The following AGBL4 variants were observed in gnomAD, a reference collection of about 807,000 sequenced individuals.
AGBL4 encodes the protein AGBL carboxypeptidase 4, also known as cytosolic carboxypeptidase 6.
A neutral mutation model predicts 66.4 loss-of-function variants in AGBL4; 58 were observed. The ratio of observed to expected loss-of-function variants is 0.87; its 90% CI spans 0.71 to 1.09. The LOEUF (loss-of-function observed/expected upper bound fraction) is 1.09, where lower values mean the gene tolerates loss of function less well. Ranked by LOEUF, AGBL4 falls within the 50% of genes least tolerant of loss-of-function variation. The pLI, the probability that AGBL4 is intolerant of heterozygous loss-of-function variation, is 0.00. For synonymous variants in AGBL4, 234 were observed against 222.9 expected (o/e 1.05, Z -0.44); for missense variants, 579 against 631.0 (o/e 0.92, Z 0.88).
chr1:48,607,435 T>G (rs1365129576), intron 9 of AGBL4, among the ~76,000 whole-genome samples: 1 of 152,060 alleles, frequency 6.6e-6, no homozygotes, highest in African/African-American at 2.4e-5. Flanking sequence ...CTGCCCATCA[T>G]GATGAAATCC....
chr1:48,821,651 A>T (rs1558018434), intron 6 of AGBL4, among the ~76,000 whole-genome samples: 1 of 151,994 alleles, frequency 6.6e-6, no homozygotes, highest in East Asian at 1.9e-4. Context: ...GACAACATTA[A>T]CTCTATGGTT....
At chr1:48,523,621 G>C in the AGBL4 span, among the ~76,000 whole-genome samples, 1 of 152,212 alleles carries the variant, frequency 6.6e-6, no homozygotes, top group Non-Finnish European at 1.5e-5. Flanking sequence ...ATTAAGGCAT[G>C]TATGGCAAAC....
At chr1:49,448,563 C>T (rs529226284) in intron 3 of AGBL4, among the ~76,000 whole-genome samples, 76 of 152,166 alleles carry the variant, frequency 5.0e-4, no homozygotes, top group African/African-American at 1.7e-3. Flanking sequence ...AGGCCAAGGT[C>T]AAATGGAAAT....
chr1:50,010,277 A>G (rs536931134), intron 1 of AGBL4, among the ~76,000 whole-genome samples: 1 of 151,082 alleles, frequency 6.6e-6, no homozygotes, highest in South Asian at 2.1e-4. Context: ...ACTGCACTCC[A>G]GCCTGGGCAA....
At chr1:48,969,029 G>A (rs1189921722) in intron 5 of AGBL4, among the ~76,000 whole-genome samples, 1 of 151,994 alleles carries the variant, frequency 6.6e-6, no homozygotes, top group Non-Finnish European at 1.5e-5. Flanking sequence ...ATAGAATCTT[G>A]AAGCATAAAA....
At chr1:48,965,349 G>A (rs1432967077) in intron 5 of AGBL4, among the ~76,000 whole-genome samples, 2 of 152,162 alleles carry the variant, frequency 1.3e-5, no homozygotes, top group African/African-American at 4.8e-5. Context: ...ATAGAGGGAT[G>A]AGGATAAGCT....
At chr1:49,568,100 C>G (rs974217276) in intron 3 of AGBL4, among the ~76,000 whole-genome samples, 1 of 152,072 alleles carries the variant, frequency 6.6e-6, no homozygotes, top group Non-Finnish European at 1.5e-5. Context: ...TATTGGAATA[C>G]CTCTCATTCC....
intron 5 of AGBL4, among the ~76,000 whole-genome samples, chr1:48,973,274 C>A (rs1397823055): frequency 6.6e-6 from 1 of 152,044 alleles, no homozygotes; most frequent in African/African-American, 2.4e-5. Context: ...ATAAAGTTAT[C>A]TTTATAATAT....
At chr1:49,301,536 A>G (rs1644744726) in intron 3 of AGBL4, among the ~76,000 whole-genome samples, 1 of 152,216 alleles carries the variant, frequency 6.6e-6, no homozygotes, top group Admixed American at 6.5e-5. Context: ...TGTAAAACTA[A>G]TGAAAGGACA....
At position 48,906,300 on chromosome 1, in the gene AGBL4, T is replaced by G. The variant is rs193071753; in HGVS notation, c.595-39070A>C. On this transcript the variant is annotated intron_variant, in intron 5 of 13. Coordinates refer to ENST00000371839, the MANE Select transcript of AGBL4 (RefSeq NM_032785.4). ...AAATAAAACTCCTCTTGGAGAGAGA[T>G]AAATCATGTACTGATTTTGACTGTG... is the stretch of plus-strand genomic sequence containing the variant. 4.3e-3 allele frequency among the ~76,000 whole-genome samples: 655 copies of G among 152,326 alleles called. 5 individuals carry two copies. Among genetic ancestry groups the G allele is most frequent in the African/African-American group, 0.014 (587 of 41,582 alleles).
intron 5 of AGBL4, among the ~76,000 whole-genome samples, chr1:48,909,538 C>T (rs1336810227): frequency 6.6e-6 from 1 of 152,178 alleles, no homozygotes; most frequent in Non-Finnish European, 1.5e-5. Flanking sequence ...TTCAGACACA[C>T]CATTGTTGAA....
chr1:49,967,095 A>G (rs1571976839), intron 1 of AGBL4, among the ~76,000 whole-genome samples: 1 of 152,160 alleles, frequency 6.6e-6, no homozygotes, highest in African/African-American at 2.4e-5. Flanking sequence ...GTCTTCCACA[A>G]TGGTTGAACT....
intron 2 of AGBL4, among the ~76,000 whole-genome samples, chr1:49,820,317 G>A (rs1160084418): frequency 6.6e-6 from 1 of 152,024 alleles, no homozygotes; most frequent in Non-Finnish European, 1.5e-5. Context: ...GTGTATAAAC[G>A]AGGACCCACA....
At chr1:49,586,998 C>A (rs1452781918) in intron 3 of AGBL4, among the ~76,000 whole-genome samples, 2 of 152,076 alleles carry the variant, frequency 1.3e-5, no homozygotes, top group African/African-American at 4.8e-5. Flanking sequence ...AGCCTTAGCT[C>A]AGAAATCATC....
intron 5 of AGBL4, among the ~76,000 whole-genome samples, chr1:48,954,977 G>GAAAAT (rs1657311745): frequency 6.6e-6 from 1 of 152,136 alleles, no homozygotes. Flanking sequence ...TAAAAATAAG[G>GAAAAT]AAAATAGGGC....
At chr1:49,045,518 T>A (rs918458717) in intron 5 of AGBL4, 66 bp downstream of exon 5, 3 of 1,422,636 alleles carry the variant, frequency 2.1e-6, no homozygotes, top group African/African-American at 2.8e-5. Context: ...TAAAAACCCG[T>A]GTTAAGTCCC....
At chr1:48,851,725 G>A (rs560745484) in intron 6 of AGBL4, among the ~76,000 whole-genome samples, 98 of 152,214 alleles carry the variant, frequency 6.4e-4, no homozygotes, top group African/African-American at 2.2e-3. Flanking sequence ...ATCAAAGAAC[G>A]GACTTCATCT....
intron 3 of AGBL4, among the ~76,000 whole-genome samples, chr1:49,622,628 C>CAAAAA (rs71059557): frequency 3.1e-5 from 2 of 65,482 alleles, no homozygotes; most frequent in Admixed American, 2.5e-4. Context: ...GACTCCGTCT[C>CAAAAA]AAAAAAAAAA....
chr1:48,591,223 C>G (rs1644915166), intron 9 of AGBL4, among the ~76,000 whole-genome samples: 1 of 152,032 alleles, frequency 6.6e-6, no homozygotes, highest in African/African-American at 2.4e-5. Context: ...GGTTTTCCCT[C>G]AGGGTCTGAA....
Sources: gnomAD v4.1 joint callset for allele counts (sites outside exome capture counted in the v4.1 genomes callset) on GRCh38, gnomAD v4.1.1 for gene constraint, MANE v1.5 for transcripts, NCBI Gene and HGNC (gene_info 2026-07-23, HGNC 2026-07-21) for gene names.